CFAP47: variants seen among roughly 807,000 people sequenced by gnomAD.
The protein encoded by CFAP47 is cilia- and flagella-associated protein 47.
Under a neutral mutation model 148.1 loss-of-function variants are expected in CFAP47, and 29 were observed. The observed-to-expected ratio is 0.20, with a 90% CI of 0.15 to 0.27. The LOEUF (loss-of-function observed/expected upper bound fraction) is 0.27, where lower values mean the gene tolerates loss of function less well. CFAP47 is among the 10% of genes least tolerant of loss of function. The pLI, the probability that CFAP47 is intolerant of heterozygous loss-of-function variation, is 1.00. For synonymous variants in CFAP47, 664 were observed against 577.3 expected (o/e 1.15, Z -2.15); for missense variants, 1,872 against 1,697.5 (o/e 1.10, Z -1.81).
chrX:35,959,012 G>A (rs185489415), intron 8 of CFAP47, among the ~76,000 whole-genome samples: 22 of 111,757 alleles, frequency 2.0e-4, no homozygotes, highest in African/African-American at 7.1e-4. Context: ...GGAATGGGAT[G>A]GCTTCTGGAA....
chrX:36,233,207 G>C (rs1207468280), intron 46 of CFAP47, among the ~76,000 whole-genome samples: 10 of 111,128 alleles, frequency 9.0e-5, no homozygotes, highest in African/African-American at 1.3e-4. Flanking sequence ...CTAATGTTGA[G>C]AGTGGGGTGT....
At chrX:36,012,521 C>T (rs1210736224) in intron 21 of CFAP47, among the ~76,000 whole-genome samples, 2 of 111,467 alleles carry the variant, frequency 1.8e-5, no homozygotes, top group East Asian at 2.8e-4. Flanking sequence ...TGCAGGGACA[C>T]GGATGAAGCT....
At chrX:36,033,211 G>A (rs952114782) in intron 23 of CFAP47, among the ~76,000 whole-genome samples, 1 of 112,040 alleles carries the variant, frequency 8.9e-6, no homozygotes, top group Admixed American at 9.5e-5. Flanking sequence ...CCATATTGGC[G>A]TCACATTTAG....
chrX:36,089,674 C>G (rs1265488368), intron 30 of CFAP47, among the ~76,000 whole-genome samples: 1 of 111,336 alleles, frequency 9.0e-6, no homozygotes, highest in African/African-American at 3.3e-5. Flanking sequence ...GGTGATAATT[C>G]CATAACTAAC....
Position 36,303,945 on chromosome X carries a change from T to G in CFAP47, c.8067T>G (p.Ile2689Met), listed in dbSNP as rs1446558067. The G allele has an allele frequency of 8.5e-6, 9 of 1,062,804 alleles. No individual in the cohort carries two copies. In the Admixed American group the frequency reaches 2.6e-4, roughly 30 times the overall value. 87.6% of individuals were successfully genotyped at this position (1,062,804 alleles called of 1,213,427 possible). A position where few individuals can be genotyped will look rare whatever the true frequency, so the allele number is the denominator to read the frequency against. ...ATCCTGAAAATTTTGTCCTGGATAT[T>G]AACAGAAAATCACAAGTAAGTAAAT... ...NSNPENFVLD[I>M]NRKSQLIISP... Residue 2689 changes from isoleucine to methionine, a missense_variant, in exon 54 of 64, where the codon ATT becomes ATG. By Grantham distance (10) the Ile-to-Met change is conservative. Coordinates refer to ENST00000378653, the MANE Select transcript of CFAP47 (RefSeq NM_001304548.2).
rs1938065309 is a variant in CFAP47, at chrX:36,085,428, T to G, written c.4806T>G (p.Ser1602Arg). The change falls in exon 30 of 64, where the codon AGT (serine) becomes AGG (arginine). Residue 1602 changes from serine (S) to arginine (R), a missense_variant. Transcript: ENST00000378653. ...KTIYDVLLHL[S>R]GKMPPGINSS... ...TTTATGATGTGCTGCTCCATTTGAG[T>G]GGAAAAATGCCACCTGGAATTAATT... 22 of 1,202,033 alleles carry G rather than the reference T, an allele frequency of 1.8e-5. No homozygotes were observed. The highest frequency in any genetic ancestry group is 2.4e-5 in the Non-Finnish European group (21 of 887,569).
intron 25 of CFAP47, among the ~76,000 whole-genome samples, chrX:36,046,429 A>G (rs1283739396): frequency 1.8e-5 from 2 of 110,984 alleles, no homozygotes; most frequent in Non-Finnish European, 3.8e-5. Flanking sequence ...ATAGTATCCA[A>G]ATTTTCAAAT....
rs1936793794 is a variant in CFAP47 at position 35,991,875 on chromosome X, C to T, written c.2899C>T (p.Pro967Ser). The T allele has an allele frequency of 3.4e-6, 1 of 294,581 alleles. No homozygotes were observed. Among genetic ancestry groups the T allele is most frequent in the South Asian group, 2.1e-4 (1 of 4,840 alleles). 24.3% of individuals were successfully genotyped at this position (294,581 alleles called of 1,213,427 possible). A position where few individuals can be genotyped will look rare whatever the true frequency, so the allele number is the denominator to read the frequency against. ...LQPRILFSNC[P>S]QGLTTWRKAI... ...GCCAAGGATACTCTTTAGTAATTGCCCTCAAGGTTTAACAACTTGGAGGAA... is the reference window on the plus strand; with the variant it reads ...GCCAAGGATACTCTTTAGTAATTGCTCTCAAGGTTTAACAACTTGGAGGAA... Residue 967 changes from proline (P) to serine (S), a missense_variant, in exon 17 of 64, where the codon CCT becomes TCT. Transcript: ENST00000378653.
At chrX:36,145,061 TTA>T (rs146920213) in intron 35 of CFAP47, 156 bp from the exon 36 acceptor site, 602 of 353,815 alleles carry the variant, frequency 1.7e-3, no homozygotes, top group East Asian at 2.3e-3. Flanking sequence ...AAATTCCCGT[TTA>T]TATATATATA....
At chrX:36,219,315 A>G (rs1940190402) in intron 45 of CFAP47, among the ~76,000 whole-genome samples, 1 of 111,635 alleles carries the variant, frequency 9.0e-6, no homozygotes, top group Middle Eastern at 4.7e-3. Flanking sequence ...AGTCTGTTTC[A>G]TCAGTCTTAT....
intron 57 of CFAP47, among the ~76,000 whole-genome samples, chrX:36,337,548 A>G (rs1029042378): frequency 1.8e-5 from 2 of 111,479 alleles, no homozygotes; most frequent in Non-Finnish European, 3.8e-5. Context: ...GCTATAGTCA[A>G]ATTTCCTACA....
intron 60 of CFAP47, among the ~76,000 whole-genome samples, chrX:36,359,894 G>T (rs1181038554): frequency 9.0e-6 from 1 of 111,083 alleles, no homozygotes; most frequent in African/African-American, 3.3e-5. Flanking sequence ...GGGACTACAG[G>T]TGCCCGCCAC....
At chrX:35,972,553 T>G (rs112155107) in intron 13 of CFAP47, among the ~76,000 whole-genome samples, 2 of 111,692 alleles carry the variant, frequency 1.8e-5, no homozygotes, top group African/African-American at 6.5e-5. Context: ...TTCTACCCCT[T>G]GCCTCAGACA....
At chrX:36,308,542 A>G (rs782557267) in intron 55 of CFAP47, among the ~76,000 whole-genome samples, 25 of 111,688 alleles carry the variant, frequency 2.2e-4, no homozygotes, top group African/African-American at 8.1e-4. Flanking sequence ...ACTTTTGAAA[A>G]TGTGGTATGC....
chrX:36,033,806 G>T (rs1372320519), intron 23 of CFAP47, among the ~76,000 whole-genome samples: 1 of 111,163 alleles, frequency 9.0e-6, no homozygotes, highest in Non-Finnish European at 1.9e-5. Flanking sequence ...TAAAGTTAAT[G>T]AAAAAACCTG....
chrX:35,965,306 T>C (rs1936387116), intron 8 of CFAP47, among the ~76,000 whole-genome samples: 1 of 111,540 alleles, frequency 9.0e-6, no homozygotes. Context: ...AGCCTCTGTA[T>C]AAGTAAGTAT....
intron 26 of CFAP47, among the ~76,000 whole-genome samples, chrX:36,050,410 G>T (rs2146736924): frequency 9.0e-6 from 1 of 111,691 alleles, no homozygotes; most frequent in East Asian, 2.8e-4. Context: ...GGACAACAAA[G>T]TTCAGGCTGA....
At chrX:36,264,922 C>T (rs782811843) in intron 49 of CFAP47, among the ~76,000 whole-genome samples, 12 of 112,161 alleles carry the variant, frequency 1.1e-4, no homozygotes, top group African/African-American at 3.6e-4. Context: ...AATTTTAAAA[C>T]AATTTTTATT....
chrX:36,266,603 G>C (rs782338409), intron 49 of CFAP47, among the ~76,000 whole-genome samples: 9 of 110,683 alleles, frequency 8.1e-5, no homozygotes, highest in African/African-American at 2.6e-4. Flanking sequence ...CAGCAAAAGT[G>C]CTCCAGTGGG....
Sources: allele counts gnomAD v4.1 joint callset (sites outside exome capture counted in the v4.1 genomes callset), GRCh38; gene constraint gnomAD v4.1.1; transcripts MANE v1.5; gene names NCBI Gene and HGNC (gene_info 2026-07-23, HGNC 2026-07-21).